TTLL6: variants seen among roughly 807,000 people sequenced by gnomAD.
The protein encoded by TTLL6 is tubulin tyrosine ligase like 6, also known as tubulin polyglutamylase TTLL6.
A neutral mutation model predicts 96.4 loss-of-function variants in TTLL6; 75 were observed. The ratio of observed to expected loss-of-function variants is 0.78; its 90% CI spans 0.65 to 0.94. The LOEUF (loss-of-function observed/expected upper bound fraction) is 0.94. Among genes scored for constraint, TTLL6 ranks in the 40% least tolerant of loss-of-function variants. The pLI, the probability that TTLL6 is intolerant of heterozygous loss-of-function variation, is 0.00. For missense variants in TTLL6, 1,030 were observed against 1,093.0 expected (o/e 0.94, Z 0.81); for synonymous variants, 411 against 419.4 (o/e 0.98, Z 0.24).
intron 15 of TTLL6, among the ~76,000 whole-genome samples, chr17:48,766,866 C>T (rs1198265884): frequency 6.6e-6 from 1 of 152,184 alleles, no homozygotes; most frequent in Non-Finnish European, 1.5e-5. Flanking sequence ...CTGTAACAGG[C>T]TCCTCTGCCC....
rs1422242455 is a variant in TTLL6, at chr17:48,796,160, C to T, written c.913-14G>A. On this transcript the variant is annotated splice_polypyrimidine_tract_variant and intron_variant, in intron 7 of 15. Coordinates refer to ENST00000393382, the MANE Select transcript of TTLL6 (RefSeq NM_001130918.3). ...GCAGATATCATCCTGGGGAAAAAGA[C>T]ACACATCTGTCGGGTCAGCTCGGAA... The T allele has an allele frequency of 2.6e-6, 4 of 1,548,526 alleles. No individual in the cohort carries two copies. Among genetic ancestry groups the T allele is most frequent in the Non-Finnish European group, 3.5e-6 (4 of 1,144,458 alleles).
At chr17:48,788,654 G>C (rs1489998301) in intron 10 of TTLL6, among the ~76,000 whole-genome samples, 1 of 152,178 alleles carries the variant, frequency 6.6e-6, no homozygotes, top group African/African-American at 2.4e-5. Flanking sequence ...GGAATCCCAG[G>C]CGGCAGACTC....
At position 48,797,131 on chromosome 17, in the gene TTLL6, A is replaced by T. The variant is rs1439319130; in HGVS notation, c.842T>A (p.Ile281Asn). 4.5e-6 allele frequency: 7 copies of T among 1,551,540 alleles called. No homozygotes were observed. In the African/African-American group the frequency reaches 9.6e-5, roughly 21 times the overall value. ...VLVTSCDPLR[I>N]FVYNEGLARF... ...GGCCAGTCCTTCATTGTACACAAAA[A>T]TCCTGAGAGGGTCACAGGATGTCAC... The change falls in exon 7 of 16, where the codon ATT (isoleucine) becomes AAT (asparagine). Residue 281 changes from isoleucine to asparagine, a missense_variant. Transcript: ENST00000393382.
At chr17:48,787,653 C>G (rs1326973094) in intron 11 of TTLL6, 158 bp downstream of exon 11, 2 of 639,368 alleles carry the variant, frequency 3.1e-6, no homozygotes, top group South Asian at 2.2e-5. Flanking sequence ...GCCTTGGCCT[C>G]CTAAAGTGCT....
intron 13 of TTLL6, among the ~76,000 whole-genome samples, chr17:48,779,123 G>A (rs1299645979): frequency 6.6e-6 from 1 of 151,686 alleles, no homozygotes; most frequent in African/African-American, 2.4e-5. Flanking sequence ...AAAGGGAGGG[G>A]ATGAAAACTT....
intron 13 of TTLL6, among the ~76,000 whole-genome samples, chr17:48,772,729 C>CAAA (rs34457188): frequency 1.6e-5 from 1 of 62,672 alleles, no homozygotes; most frequent in Non-Finnish European, 3.4e-5. Context: ...GACTCCGTCT[C>CAAA]AAAAAAAAAA....
At chr17:48,801,435 A>C in intron 4 of TTLL6, 50 bp from the exon 5 acceptor site, 1 of 1,551,270 alleles carries the variant, frequency 6.4e-7, no homozygotes, top group Non-Finnish European at 8.7e-7. Flanking sequence ...TGGGAGTACT[A>C]CAAGATCTCC....
At chr17:48,784,764 C>A (rs1458388088) in intron 13 of TTLL6, among the ~76,000 whole-genome samples, 159 bp downstream of exon 13, 2 of 152,216 alleles carry the variant, frequency 1.3e-5, no homozygotes, top group East Asian at 3.8e-4. Context: ...GTCCTCCCAG[C>A]AGCTATGCCA....
chr17:48,804,328 C>G (rs367947020), intron 2 of TTLL6: 9 of 486,070 alleles, frequency 1.9e-5, no homozygotes, highest in East Asian at 1.8e-4. Flanking sequence ...AGTGGACAAG[C>G]TTTCCTTCAT....
At chr17:48,804,013 A>G (rs2039466902) in intron 2 of TTLL6, 85 bp from the exon 3 acceptor site, 15 of 1,472,092 alleles carry the variant, frequency 1.0e-5, no homozygotes, top group South Asian at 2.4e-5. Flanking sequence ...ATCCTGTCCC[A>G]GGTGGAGCTG....
rs990153960 is a variant in TTLL6 at position 48,799,695 on chromosome 17, G to A, written c.677C>T (p.Ser226Leu). The change falls in exon 6 of 16, where the codon TCG (serine) becomes TTG (leucine). Residue 226 changes from serine to leucine, a missense_variant. Coordinates refer to ENST00000393382, the MANE Select transcript of TTLL6 (RefSeq NM_001130918.3). ...KNKTYICKPD[S>L]GCQGKGIFIT... The stretch of plus-strand genomic sequence containing the variant: ...GAATATACCTTTCCCTTGGCAGCCC[G>A]AATCCGGCTTACAAATGTATGTCTT... 50 of 1,551,734 alleles carry A rather than the reference G, an allele frequency of 3.2e-5. No individual in the cohort carries two copies. The highest frequency in any genetic ancestry group is 1.7e-4 in the Middle Eastern group (1 of 5,994).
chr17:48,780,734 T>A (rs1292807670), intron 13 of TTLL6, among the ~76,000 whole-genome samples: 2 of 152,238 alleles, frequency 1.3e-5, no homozygotes, highest in African/African-American at 4.8e-5. Context: ...AGTGGAATCA[T>A]AACAGTATTT....
In TTLL6 at chr17:48,763,982, G is replaced by A. The variant is rs574118413; in HGVS notation, c.*1-1009C>T. The stretch of plus-strand genomic sequence containing the variant: ...CCAAAAAGAAAAAAGAAAAGAAAAG[G>A]AAAGTTAGCCAGGCATGGTGACAAG... On this transcript the variant is annotated intron_variant, in intron 15 of 15. Coordinates refer to ENST00000393382, the MANE Select transcript of TTLL6 (RefSeq NM_001130918.3). Among the ~76,000 whole-genome samples the A allele has an allele frequency of 1.7e-4, 26 of 151,426 alleles. 1 individual carries two copies. The highest frequency in any genetic ancestry group is 5.6e-4 in the African/African-American group (23 of 41,308).
chr17:48,776,727 T>G (rs928714743), intron 13 of TTLL6, among the ~76,000 whole-genome samples: 2 of 152,182 alleles, frequency 1.3e-5, no homozygotes, highest in African/African-American at 4.8e-5. Context: ...TTTGTTTTAT[T>G]TTGATTTCTT....
At chr17:48,811,464 CAGG>C (rs1300603206) in intron 1 of TTLL6, among the ~76,000 whole-genome samples, 6 of 152,084 alleles carry the variant, frequency 3.9e-5, no homozygotes, top group Non-Finnish European at 5.9e-5. Context: ...TGCCTGGCCT[CAGG>C]AGATCCTCCT....
intron 1 of TTLL6, among the ~76,000 whole-genome samples, chr17:48,807,052 A>G (rs563061880): frequency 6.6e-6 from 1 of 152,162 alleles, no homozygotes; most frequent in African/African-American, 2.4e-5. Flanking sequence ...TAATTAATTA[A>G]TTAATTTAAA....
chr17:48,810,142 A>G (rs1174316286), intron 1 of TTLL6, among the ~76,000 whole-genome samples: 13 of 146,712 alleles, frequency 8.9e-5, no homozygotes, highest in Non-Finnish European at 1.5e-4. Flanking sequence ...TCTGTCTCAA[A>G]AAAAAAAAAA....
chr17:48,803,935 G>T lies in TTLL6; in HGVS notation c.324-7C>A. 6.4e-7 allele frequency: 1 copy of T among 1,551,802 alleles called. No individual in the cohort carries two copies. Among genetic ancestry groups the T allele is most frequent in the Non-Finnish European group, 8.7e-7 (1 of 1,147,032 alleles). On this transcript the variant is annotated splice_polypyrimidine_tract_variant and splice_region_variant and intron_variant, in intron 2 of 15. Coordinates refer to ENST00000393382, the MANE Select transcript of TTLL6 (RefSeq NM_001130918.3). ...GGATAGATTGATCACCAATCATCTGGAAAAGAGAAAAAGGAAAGCAGCAAG... is the reference window on the plus strand; with the variant it reads ...GGATAGATTGATCACCAATCATCTGTAAAAGAGAAAAAGGAAAGCAGCAAG...
intron 1 of TTLL6, among the ~76,000 whole-genome samples, chr17:48,809,020 A>G (rs1045071489): frequency 6.6e-6 from 1 of 152,212 alleles, no homozygotes; most frequent in African/African-American, 2.4e-5. Context: ...TAATATAATT[A>G]TAAGCTTTTA....
Sources: allele counts gnomAD v4.1 joint callset (sites outside exome capture counted in the v4.1 genomes callset), GRCh38; gene constraint gnomAD v4.1.1; transcripts MANE v1.5; gene names NCBI Gene and HGNC (gene_info 2026-07-23, HGNC 2026-07-21).